Variants in CRLF2 observed in about 807,000 individuals in gnomAD.
CRLF2 encodes cytokine receptor like factor 2.
In CRLF2, 41 loss-of-function variants were observed where a neutral mutation model predicts 38.7. The ratio of observed to expected loss-of-function variants is 1.06; its 90% CI spans 0.83 to 1.37. The LOEUF (loss-of-function observed/expected upper bound fraction) is 1.37, where lower values mean the gene tolerates loss of function less well. CRLF2 is among the 40% of genes most tolerant of loss of function. CRLF2 has a pLI of 0.00. For synonymous variants in CRLF2, 140 were observed against 128.8 expected (o/e 1.09, Z -0.59); for missense variants, 377 against 322.2 (o/e 1.17, Z -1.30).
chrX:1,201,858 T>TATAGAAGATTGACCATAC (rs1163094450), intron 4 of CRLF2, among the ~76,000 whole-genome samples: 175 of 152,034 alleles, frequency 1.2e-3, no homozygotes, highest in African/African-American at 3.9e-3. Context: ...GGATGATATA[T>TATAGAAGATTGACCATAC]ATAGAAGATT....
intron 1 of CRLF2, among the ~76,000 whole-genome samples, 188 bp downstream of exon 1, chrX:1,212,367 GT>G (rs2147860374): frequency 7.5e-6 from 1 of 133,366 alleles, no homozygotes; most frequent in African/African-American, 2.9e-5. Flanking sequence ...TTATAAATAT[GT>G]TTTGTCCCAG....
chrX:1,203,008 G>C (rs2086635237), intron 3 of CRLF2, among the ~76,000 whole-genome samples: 1 of 146,904 alleles, frequency 6.8e-6, no homozygotes, highest in Admixed American at 7.2e-5. Context: ...TGAGGCAGGA[G>C]AATCGCTTGA....
chrX:1,196,707 A>G, intron 6 of CRLF2, 73 bp downstream of exon 6: 1 of 1,565,588 alleles, frequency 6.4e-7, no homozygotes, highest in Non-Finnish European at 8.7e-7. Context: ...TCAGGCGATT[A>G]ATCTTTTTTC....
chrX:1,205,503 T>C (rs1396076086), intron 3 of CRLF2, among the ~76,000 whole-genome samples: 1 of 152,042 alleles, frequency 6.6e-6, no homozygotes, highest in Admixed American at 6.6e-5. Flanking sequence ...ATGGTAATCA[T>C]TGATCCCGCG....
intron 1 of CRLF2, 141 bp downstream of exon 1, chrX:1,212,415 C>G: frequency 1.8e-6 from 1 of 560,860 alleles, no homozygotes; most frequent in South Asian, 2.3e-5. Context: ...TTGCTTGAAC[C>G]CGGAAAAAAA....
chrX:1,202,910 AC>A (rs2086633592), intron 3 of CRLF2, among the ~76,000 whole-genome samples: 1 of 151,878 alleles, frequency 6.6e-6, no homozygotes, highest in Non-Finnish European at 1.5e-5. Flanking sequence ...GGAGTTCGAG[AC>A]CAGCCTGGCC....
chrX:1,192,665 TTTTC>T (rs1286607125), intron 7 of CRLF2, among the ~76,000 whole-genome samples: 11 of 151,636 alleles, frequency 7.3e-5, no homozygotes, highest in Admixed American at 4.6e-4. Flanking sequence ...TTCTTTCCTT[TTTTC>T]TTTCTCTTTC....
intron 3 of CRLF2, 103 bp downstream of exon 3, chrX:1,206,330 A>G (rs1452632860): frequency 2.0e-6 from 2 of 997,944 alleles, no homozygotes; most frequent in Non-Finnish European, 3.2e-6. Flanking sequence ...AGTTAACGGT[A>G]ATCATGGATC....
chrX:1,192,068 G>A (rs1185624340), intron 7 of CRLF2, among the ~76,000 whole-genome samples: 54,432 of 146,926 alleles, frequency 0.37, 10,588 homozygotes, highest in African/African-American at 0.46. Context: ...AGCCGGGTGT[G>A]GTGGCGGGCG....
chrX:1,206,340 C>G, intron 3 of CRLF2, 93 bp downstream of exon 3: 1 of 1,097,720 alleles, frequency 9.1e-7, no homozygotes, highest in Non-Finnish European at 1.4e-6. Context: ...AATCATGGAT[C>G]CGGCGATTTG....
chrX:1,198,275 CCCAG>C (rs1452440260), intron 5 of CRLF2, among the ~76,000 whole-genome samples: 3 of 106,632 alleles, frequency 2.8e-5, no homozygotes, highest in Admixed American at 2.0e-4. Context: ...CCTCCCACCT[CCCAG>C]GAAGGCAGGA....
At chrX:1,207,387 C>G (rs1359682800) in intron 2 of CRLF2, among the ~76,000 whole-genome samples, 1 of 151,956 alleles carries the variant, frequency 6.6e-6, no homozygotes, top group Non-Finnish European at 1.5e-5. Flanking sequence ...TCCCAAGTTG[C>G]TGGGATTACA....
At chrX:1,197,812 TA>T (rs755324266) in intron 5 of CRLF2, among the ~76,000 whole-genome samples, 2 of 146,906 alleles carry the variant, frequency 1.4e-5, no homozygotes, top group East Asian at 2.0e-4. Context: ...AGACTCCCTC[TA>T]AAAAAAAATA....
chrX:1,210,160 G>A (rs1356132323), intron 1 of CRLF2, among the ~76,000 whole-genome samples: 2 of 145,330 alleles, frequency 1.4e-5, no homozygotes, highest in Non-Finnish European at 3.0e-5. Context: ...TGGGCCAACC[G>A]TAAAGAAGAC....
intron 7 of CRLF2, among the ~76,000 whole-genome samples, chrX:1,192,159 C>T (rs1364238487): frequency 1.6e-4 from 23 of 144,536 alleles, no homozygotes; most frequent in Non-Finnish European, 3.2e-4. Context: ...GAGCCGAGAT[C>T]CCGCCACTGC....
chrX:1,203,012 C>T (rs1483867862), intron 3 of CRLF2, among the ~76,000 whole-genome samples: 2 of 141,484 alleles, frequency 1.4e-5, no homozygotes, highest in East Asian at 2.1e-4. Flanking sequence ...GCAGGAGAAT[C>T]GCTTGAACCG....
In CRLF2 at chrX:1,209,049, C is replaced by G. The variant is rs191482851; in HGVS notation, c.80-141G>C. 4.0e-3 allele frequency: 2,268 copies of G among 561,992 alleles called. 39 individuals are homozygous for G. The highest frequency in any genetic ancestry group is 0.037 in the African/African-American group (1,942 of 52,428). The allele number at this position is 561,992 out of a possible 1,614,324, so 34.8% of individuals were successfully genotyped here. Reference sequence around the variant, plus strand: ...ATGGCACGATCTCGGCTCACTGCAACCTCCGCCTCCCGGGTTCAAGCGATT... The same window carrying G: ...ATGGCACGATCTCGGCTCACTGCAAGCTCCGCCTCCCGGGTTCAAGCGATT... On this transcript the variant is annotated intron_variant, in intron 1 of 7. Coordinates refer to ENST00000400841, the MANE Select transcript of CRLF2 (RefSeq NM_022148.4).
intron 6 of CRLF2, 137 bp downstream of exon 6, chrX:1,196,643 A>G (rs2086480823): frequency 8.8e-7 from 1 of 1,133,842 alleles, no homozygotes; most frequent in Admixed American, 2.9e-5. Flanking sequence ...CTTATAATCC[A>G]CCATCAGAAG....
At chrX:1,196,435 C>G (rs1337167880) in intron 6 of CRLF2, among the ~76,000 whole-genome samples, 111 of 152,042 alleles carry the variant, frequency 7.3e-4, no homozygotes, top group Non-Finnish European at 2.1e-4. Flanking sequence ...ATTCACCTGC[C>G]TTGGCATCAC....
Sources: gnomAD v4.1 joint callset for allele counts (sites outside exome capture counted in the v4.1 genomes callset) on GRCh38, gnomAD v4.1.1 for gene constraint, MANE v1.5 for transcripts, NCBI Gene and HGNC (gene_info 2026-07-23, HGNC 2026-07-21) for gene names.